The following NADSYN1 variants were observed in gnomAD, a reference collection of about 807,000 sequenced individuals.
NADSYN1 encodes the protein NAD synthetase 1.
A neutral mutation model predicts 99.3 loss-of-function variants in NADSYN1; 80 were observed. The ratio of observed to expected loss-of-function variants is 0.81; its 90% confidence interval spans 0.67 to 0.97. The LOEUF (loss-of-function observed/expected upper bound fraction) is 0.97, where lower values mean the gene tolerates loss of function less well. Among genes scored for constraint, NADSYN1 ranks in the 50% least tolerant of loss-of-function variants. The pLI is 0.00. For synonymous variants in NADSYN1, 385 were observed against 372.1 expected (o/e 1.03, Z -0.40); for missense variants, 859 against 948.5 (o/e 0.91, Z 1.24).
intron 5 of NADSYN1, among the ~76,000 whole-genome samples, chr11:71,464,660 G>T (rs926672075): frequency 6.6e-6 from 1 of 152,120 alleles, no homozygotes; most frequent in African/African-American, 2.4e-5. Context: ...GATGTCAGGA[G>T]ATCGAGACCA....
intron 20 of NADSYN1, among the ~76,000 whole-genome samples, chr11:71,500,853 T>C (rs1949852260): frequency 6.6e-6 from 1 of 152,100 alleles, no homozygotes; most frequent in South Asian, 2.1e-4. Flanking sequence ...CCAGTGTCCC[T>C]GGGTCACCAG....
intron 3 of NADSYN1, chr11:71,459,926 A>T (rs888358020): frequency 3.9e-5 from 6 of 152,450 alleles, no homozygotes; most frequent in African/African-American, 1.4e-4. Context: ...CACAAGCAAC[A>T]CCAGTCTTTT....
chr11:71,480,032 A>G (rs561470805), intron 10 of NADSYN1: 32 of 152,382 alleles, frequency 2.1e-4, no homozygotes, highest in African/African-American at 7.0e-4. Flanking sequence ...GTCTATCATT[A>G]ACAATTCTGC....
chr11:71,469,680 G>A (rs1341353400), intron 5 of NADSYN1, among the ~76,000 whole-genome samples: 1 of 152,196 alleles, frequency 6.6e-6, no homozygotes, highest in Non-Finnish European at 1.5e-5. Context: ...TTCCGCCCTG[G>A]GTGGGCCAGG....
chr11:71,489,964 T>C (rs1591134910), intron 16 of NADSYN1, among the ~76,000 whole-genome samples: 1 of 152,238 alleles, frequency 6.6e-6, no homozygotes, highest in East Asian at 1.9e-4. Context: ...TGCACCAGCG[T>C]TGGCAGCGGG....
In NADSYN1 at chr11:71,490,908, C is replaced by A; in HGVS notation, c.1626C>A (p.Ile542=). The A allele has an allele frequency of 6.2e-7, 1 of 1,614,216 alleles. No individual in the cohort carries two copies. The highest frequency in any genetic ancestry group is 1.1e-5 in the South Asian group (1 of 91,088). The change falls in exon 17 of 21, where the codon ATC becomes ATA. Residue 542 remains isoleucine (I), a synonymous_variant. Transcript: ENST00000319023. ...SSADINPIGG[I]SKTDLRAFVQ... ...CGGACATCAACCCCATAGGCGGGAT[C>A]AGCAAGACGGACCTCAGGGCCTTCG...
intron 8 of NADSYN1, 149 bp from the exon 9 acceptor site, chr11:71,474,245 GC>G: frequency 9.8e-7 from 1 of 1,017,866 alleles, no homozygotes; most frequent in Non-Finnish European, 1.5e-6. Flanking sequence ...ACAGGTCTGT[GC>G]TTCCCCACAC....
chr11:71,459,872 A>C (rs536541341), intron 3 of NADSYN1: 1 of 152,388 alleles, frequency 6.6e-6, no homozygotes, highest in South Asian at 2.1e-4. Flanking sequence ...GGACTCTCTT[A>C]GTTTCCTTTT....
At chr11:71,490,794 T>G (rs370996873) in intron 16 of NADSYN1, 51 bp from the exon 17 acceptor site, 222 of 1,603,968 alleles carry the variant, frequency 1.4e-4, no homozygotes, top group Non-Finnish European at 1.8e-4. Flanking sequence ...CCAGGGTTGA[T>G]GGAGTCTGCG....
chr11:71,469,915 G>A (rs1361257597), intron 5 of NADSYN1, among the ~76,000 whole-genome samples: 1 of 88,842 alleles, frequency 1.1e-5, no homozygotes, highest in East Asian at 3.7e-4. Flanking sequence ...GACAGAACAA[G>A]AGCCTGTCTC....
At chr11:71,480,926 A>T (rs1477102676) in intron 11 of NADSYN1, 47 bp downstream of exon 11, 1 of 1,607,862 alleles carries the variant, frequency 6.2e-7, no homozygotes, top group Non-Finnish European at 8.5e-7. Context: ...CTGTGTGGCC[A>T]CGCCCCTGGG....
In NADSYN1 at chr11:71,483,016, A is replaced by G. The variant is rs1437879067; in HGVS notation, c.1318A>G (p.Ser440Gly). 3 of 1,611,724 alleles carry G rather than the reference A, an allele frequency of 1.9e-6. No homozygotes were observed. Among genetic ancestry groups the G allele is most frequent in the African/African-American group, 2.7e-5 (2 of 74,790 alleles). The stretch of plus-strand genomic sequence containing the variant: ...CAGAGAGTTGGCCCAGCAGATTGGA[A>G]GGTAGAGTTGGTCCCTGGTATTGGG... ...RARELAQQIG[S>G]HHISLNIDPA... Residue 440 changes from serine (S) to glycine (G), a missense_variant and splice_region_variant, in exon 14 of 21, where the codon AGC becomes GGC. By Grantham distance (56) the Ser-to-Gly change is moderately conservative (BLOSUM62 0). Transcript: ENST00000319023.
chr11:71,488,072 T>C (rs142899090), intron 16 of NADSYN1, among the ~76,000 whole-genome samples: 1,604 of 151,924 alleles, frequency 0.011, 13 homozygotes, highest in Middle Eastern at 0.014. Context: ...AAATGTGTAG[T>C]GTTGATTTTT....
intron 20 of NADSYN1, chr11:71,499,565 T>C (rs1949844097): frequency 1.3e-5 from 2 of 152,326 alleles, no homozygotes; most frequent in South Asian, 4.1e-4. Context: ...CACCCTGCTT[T>C]CCTTTTCTTT....
At chr11:71,479,924 C>T (rs1432364102) in intron 10 of NADSYN1, 1 of 152,214 alleles carries the variant, frequency 6.6e-6, no homozygotes, top group Non-Finnish European at 1.5e-5. Flanking sequence ...GTGGCTGTAG[C>T]TTATCCCTTT....
chr11:71,468,125 A>G (rs1440597985), intron 5 of NADSYN1, among the ~76,000 whole-genome samples: 1 of 152,220 alleles, frequency 6.6e-6, no homozygotes, highest in East Asian at 1.9e-4. Context: ...TGCATCCTTT[A>G]AGAACAAGGA....
At chr11:71,498,759 G>A (rs1565609290) in intron 20 of NADSYN1, 1 of 429,608 alleles carries the variant, frequency 2.3e-6, no homozygotes. Context: ...TTCGATATGT[G>A]TGTCACAGTG....
chr11:71,489,962 C>T (rs191544407), intron 16 of NADSYN1, among the ~76,000 whole-genome samples: 98 of 152,250 alleles, frequency 6.4e-4, no homozygotes, highest in Admixed American at 1.2e-3. Context: ...CCTGCACCAG[C>T]GTTGGCAGCG....
At chr11:71,498,632 CT>C in intron 20 of NADSYN1, 104 bp downstream of exon 20, 3 of 1,270,500 alleles carry the variant, frequency 2.4e-6, no homozygotes, top group Non-Finnish European at 2.2e-6. Flanking sequence ...TACACAGTAA[CT>C]TTTTTACTGT....
Sources: gnomAD v4.1 joint callset for allele counts (sites outside exome capture counted in the v4.1 genomes callset) on GRCh38, gnomAD v4.1.1 for gene constraint, MANE v1.5 for transcripts, NCBI Gene and HGNC (gene_info 2026-07-23, HGNC 2026-07-21) for gene names.